SPEN: variants seen among roughly 807,000 people sequenced by gnomAD.
SPEN encodes the protein spen family transcriptional repressor, also known as msx2-interacting protein.
In SPEN, 18 loss-of-function variants were observed where a neutral mutation model predicts 269.9. The observed-to-expected ratio is 0.07, with a 90% CI of 0.05 to 0.10. The LOEUF is 0.10. SPEN is among the 10% of genes least tolerant of loss of function. The probability of loss-of-function intolerance (pLI) is 1.00; values close to 1 mark genes in which losing one functional copy is unlikely to be tolerated. For missense variants in SPEN, 3,822 were observed against 4,631.2 expected (o/e 0.83, Z 5.07); for synonymous variants, 1,726 against 1,765.7 (o/e 0.98, Z 0.56).
chr1:15,935,301 C>G lies in SPEN; in HGVS notation c.9061C>G (p.Leu3021Val), dbSNP rs150919415. Residue 3021 changes from leucine to valine, a missense_variant, in exon 11 of 15, where the codon CTA becomes GTA. Physicochemically the swap from Leu to Val is conservative, Grantham distance 32. Coordinates refer to ENST00000375759, the MANE Select transcript of SPEN (RefSeq NM_015001.3). This position sits in a 1 kb window ranked among gnomAD's most constrained non-coding sequence, Gnocchi z 7.7. ...TGTCTCCCATTTGGCAGCTGCAAAG[C>G]TAGATGCTCATTCTCCTCGACCAAG... Reference protein sequence around the residue: ...RTVSHLAAAKLDAHSPRPSGP... With the variant: ...RTVSHLAAAKVDAHSPRPSGP... 1 of 1,614,142 alleles carries G rather than the reference C, an allele frequency of 6.2e-7. No individual in the cohort carries two copies.
At chr1:15,896,254 G>A (rs1372953252) in intron 3 of SPEN, among the ~76,000 whole-genome samples, 7 of 136,474 alleles carry the variant, frequency 5.1e-5, no homozygotes, top group African/African-American at 1.9e-4. Context: ...GGAGTGCAGT[G>A]GCGGGATCTT....
At chr1:15,912,007 G>A (rs1294099782) in intron 5 of SPEN, among the ~76,000 whole-genome samples, 1 of 152,180 alleles carries the variant, frequency 6.6e-6, no homozygotes, top group African/African-American at 2.4e-5. Flanking sequence ...TAATATTGAT[G>A]TGGGGGACTT....
At position 15,938,786 on chromosome 1, in the gene SPEN, G is replaced by C; in HGVS notation, c.10773G>C (p.Gln3591His). The C allele has an allele frequency of 6.2e-7, 1 of 1,614,068 alleles. No homozygotes were observed. The highest frequency in any genetic ancestry group is 8.5e-7 in the Non-Finnish European group (1 of 1,180,024). Reference protein sequence around the residue: ...CGRDQEDVVSQTESLKAAFIT... With the variant: ...CGRDQEDVVSHTESLKAAFIT... ...GTGACCAAGAGGATGTTGTGAGCCA[G>C]ACCGAGTCCCTCAAGGCTGCCTTCA... The change falls in exon 14 of 15, where the codon CAG becomes CAC. Residue 3591 changes from glutamine to histidine, a missense_variant. Gln to His is a conservative substitution (Grantham distance 24). Coordinates refer to ENST00000375759, the MANE Select transcript of SPEN (RefSeq NM_015001.3).
intron 3 of SPEN, among the ~76,000 whole-genome samples, chr1:15,890,655 C>A (rs1024844044): frequency 6.6e-6 from 1 of 151,364 alleles, no homozygotes; most frequent in African/African-American, 2.4e-5. Flanking sequence ...TAAAATTCAC[C>A]CATTTAAGTG....
intron 3 of SPEN, among the ~76,000 whole-genome samples, chr1:15,901,928 GTTTTTTTTT>G (rs35730805): frequency 1.0e-5 from 1 of 100,280 alleles, no homozygotes; most frequent in Non-Finnish European, 1.9e-5. Context: ...TATTTATTTA[GTTTTTTTTT>G]TTTTTTTTTT....
At chr1:15,913,327 G>GT (rs2071026992) in intron 5 of SPEN, among the ~76,000 whole-genome samples, 1 of 152,026 alleles carries the variant, frequency 6.6e-6, no homozygotes, top group African/African-American at 2.4e-5. Context: ...TTTCCCAAAG[G>GT]TGTGTAGGCA....
rs1002376400 is a variant in SPEN at position 15,848,374 on chromosome 1, G to T, written c.83+224G>T. ...CGCGCCGCCTTCGAAGAGCCCGCGG[G>T]GCCCCGGCGGCCGCGTCCGTGACGA... On this transcript the variant is annotated intron_variant, in intron 1 of 14. Coordinates refer to ENST00000375759, the MANE Select transcript of SPEN (RefSeq NM_015001.3). This position sits in a 1 kb window ranked among gnomAD's most constrained non-coding sequence, Gnocchi z 5.1. Among the ~76,000 whole-genome samples, 2 of 151,252 alleles carry T rather than the reference G, an allele frequency of 1.3e-5. No individual in the cohort carries two copies. Among genetic ancestry groups the T allele is most frequent in the African/African-American group, 4.8e-5 (2 of 41,348 alleles).
intron 1 of SPEN, among the ~76,000 whole-genome samples, chr1:15,865,769 C>G (rs995206007): frequency 2.0e-5 from 3 of 151,916 alleles, no homozygotes; most frequent in Non-Finnish European, 2.9e-5. Context: ...CCCTTGATTT[C>G]TAATAACTCT....
chr1:15,863,105 T>C (rs1557735495), intron 1 of SPEN, among the ~76,000 whole-genome samples: 1 of 152,042 alleles, frequency 6.6e-6, no homozygotes, highest in Non-Finnish European at 1.5e-5. Context: ...TAAAAGGTAG[T>C]TGGGCATGGT....
At chr1:15,938,565 C>CTTTTTTTT (rs200567875) in intron 13 of SPEN, 153 bp from the exon 14 acceptor site, 4 of 239,094 alleles carry the variant, frequency 1.7e-5, no homozygotes, top group African/African-American at 9.5e-5. Flanking sequence ...TGAAAAAAAG[C>CTTTTTTTT]TTTTTTTTTT....
intron 5 of SPEN, among the ~76,000 whole-genome samples, chr1:15,912,758 T>A (rs2071022966): frequency 6.6e-6 from 1 of 152,208 alleles, no homozygotes; most frequent in Admixed American, 6.6e-5. Flanking sequence ...CAGGAGTTCT[T>A]TAAAATTTAA....
chr1:15,900,097 C>T (rs1557748662), intron 3 of SPEN, among the ~76,000 whole-genome samples: 3 of 152,142 alleles, frequency 2.0e-5, no homozygotes, highest in Admixed American at 6.6e-5. Context: ...CCACCGTCCT[C>T]GGCCTACCAA....
chr1:15,929,672 A>G lies in SPEN; in HGVS notation c.3432A>G (p.Lys1144=), dbSNP rs573027452. The G allele has an allele frequency of 6.2e-6, 10 of 1,614,172 alleles. No homozygotes were observed. In the Admixed American group the frequency reaches 1.2e-4, roughly 19 times the overall value. The part of the protein sequence containing the change: ...CSLRDETPER[K]SGQEKSHSVN... ...TTCGTGATGAAACACCTGAACGTAA[A>G]TCAGGCCAAGAGAAATCACATTCAG... Residue 1144 remains lysine (K), a synonymous_variant, in exon 11 of 15, where the codon AAA becomes AAG. Coordinates refer to ENST00000375759, the MANE Select transcript of SPEN (RefSeq NM_015001.3). This position sits in a 1 kb window ranked among gnomAD's most constrained non-coding sequence, Gnocchi z 5.8.
intron 1 of SPEN, 60 bp from the exon 2 acceptor site, chr1:15,872,756 A>C: frequency 7.1e-7 from 1 of 1,415,902 alleles, no homozygotes; most frequent in East Asian, 2.3e-5. Flanking sequence ...AAAAAAATCT[A>C]AAAACTCATT....
In SPEN at chr1:15,937,748, C is replaced by T; in HGVS notation, c.10510-64C>T. The T allele has an allele frequency of 6.2e-7, 1 of 1,609,684 alleles. No homozygotes were observed. The highest frequency in any genetic ancestry group is 8.5e-7 in the Non-Finnish European group (1 of 1,178,026). On this transcript the variant is annotated intron_variant, in intron 12 of 14. Transcript: ENST00000375759. The surrounding 1 kb of genome is among the most constrained non-coding windows in gnomAD (Gnocchi z 5.7). Reference sequence around the variant, plus strand: ...CAGACCCACAAGCTACAGCCTCTGGCTGTGTCCAGCATGGCTCAGCGAGGG... The same window carrying T: ...CAGACCCACAAGCTACAGCCTCTGGTTGTGTCCAGCATGGCTCAGCGAGGG...
At chr1:15,891,550 C>G (rs1265555224) in intron 3 of SPEN, among the ~76,000 whole-genome samples, 3 of 151,834 alleles carry the variant, frequency 2.0e-5, no homozygotes, top group Non-Finnish European at 2.9e-5. Flanking sequence ...TGGGGTTTCA[C>G]CATGTTAGCC....
chr1:15,916,114 C>T lies in SPEN; in HGVS notation c.1244-14C>T. 6.2e-7 allele frequency: 1 copy of T among 1,606,020 alleles called. No individual in the cohort carries two copies. The highest frequency in any genetic ancestry group is 8.5e-7 in the Non-Finnish European group (1 of 1,177,278). On this transcript the variant is annotated splice_polypyrimidine_tract_variant and intron_variant, in intron 5 of 14. Transcript: ENST00000375759. ...CTGTCTTCTCTTTTTACTCGGCCCC[C>T]ATTCCACTTACAGAAACAGAAAGTG...
chr1:15,851,617 C>T (rs1290518020), intron 1 of SPEN, among the ~76,000 whole-genome samples: 3 of 152,140 alleles, frequency 2.0e-5, no homozygotes, highest in Admixed American at 2.0e-4. Flanking sequence ...TTAGTTCTTC[C>T]CATCCATCTC....
intron 1 of SPEN, among the ~76,000 whole-genome samples, chr1:15,861,275 GCA>G (rs1455400313): frequency 6.6e-6 from 1 of 151,768 alleles, no homozygotes; most frequent in Non-Finnish European, 1.5e-5. Context: ...AGGACTATAG[GCA>G]CATGCCACCA....
Sources: gnomAD v4.1 joint callset for allele counts (sites outside exome capture counted in the v4.1 genomes callset) on GRCh38, gnomAD v4.1.1 for gene constraint, Gnocchi (gnomAD v3.1) non-coding constraint, MANE v1.5 for transcripts, NCBI Gene and HGNC (gene_info 2026-07-23, HGNC 2026-07-21) for gene names.